The following KIFBP variants were observed in gnomAD, a reference collection of about 807,000 sequenced individuals.
KIFBP encodes the protein kinesin family binding protein, also known as KIF-binding protein.
A neutral mutation model predicts 58.9 loss-of-function variants in KIFBP; 46 were observed. The observed-to-expected ratio is 0.78, with a 90% confidence interval of 0.62 to 1.00. The LOEUF (loss-of-function observed/expected upper bound fraction) is 1.00, where lower values mean the gene tolerates loss of function less well. Among genes scored for constraint, KIFBP ranks in the 50% least tolerant of loss-of-function variants. KIFBP has a pLI of 0.00. For synonymous variants in KIFBP, 241 were observed against 283.4 expected (o/e 0.85, Z 1.50); for missense variants, 651 against 752.9 (o/e 0.86, Z 1.58).
intron 1 of KIFBP, among the ~76,000 whole-genome samples, chr10:68,994,748 T>C (rs557573164): frequency 1.3e-5 from 2 of 152,180 alleles, no homozygotes; most frequent in East Asian, 3.9e-4. Flanking sequence ...TTTGATGAGT[T>C]TTGACATATA....
chr10:68,992,922 G>C (rs1454713707), intron 1 of KIFBP, among the ~76,000 whole-genome samples: 1 of 152,054 alleles, frequency 6.6e-6, no homozygotes, highest in Non-Finnish European at 1.5e-5. Flanking sequence ...CAGTAGGGTT[G>C]GGGAGGGGCT....
At chr10:69,009,259 T>TGG (rs1843567411) in intron 5 of KIFBP, among the ~76,000 whole-genome samples, 1 of 152,116 alleles carries the variant, frequency 6.6e-6, no homozygotes, top group Non-Finnish European at 1.5e-5. Context: ...TGCTAGATTT[T>TGG]GGGAGGCCAA....
At chr10:68,991,321 G>T in intron 1 of KIFBP, 1 of 245,432 alleles carries the variant, frequency 4.1e-6, no homozygotes, top group Non-Finnish European at 8.6e-6. Context: ...CGTTAAGTCA[G>T]GACTATGTCA....
At chr10:69,008,405 T>A (rs1320361525) in intron 4 of KIFBP, among the ~76,000 whole-genome samples, 34 of 131,168 alleles carry the variant, frequency 2.6e-4, no homozygotes, top group African/African-American at 8.7e-4. Flanking sequence ...TATATATATA[T>A]ATATATATAT....
chr10:69,015,685 G>A lies in KIFBP; in HGVS notation c.1135G>A (p.Glu379Lys). ...ELCDAISAVE[E>K]KVSYLRPLDF... The stretch of plus-strand genomic sequence containing the variant: ...GTGTGATGCCATCTCTGCAGTAGAA[G>A]AGAAAGTGAGCTACTTGAGACCTTT... Residue 379 changes from glutamate (E) to lysine (K), a missense_variant, in exon 7 of 7, where the codon GAG (glutamate) becomes AAG (lysine). By Grantham distance (56) the Glu-to-Lys change is moderately conservative (BLOSUM62 1). Coordinates refer to ENST00000361983, the MANE Select transcript of KIFBP (RefSeq NM_015634.4). The A allele has an allele frequency of 1.2e-6, 2 of 1,614,236 alleles. No homozygotes were observed. The highest frequency in any genetic ancestry group is 1.7e-6 in the Non-Finnish European group (2 of 1,180,034).
intron 2 of KIFBP, among the ~76,000 whole-genome samples, chr10:69,002,273 C>T (rs553135742): frequency 6.6e-6 from 1 of 151,960 alleles, no homozygotes; most frequent in East Asian, 2.0e-4. Context: ...AATTCTCCTG[C>T]CTCAGCCTCC....
chr10:68,998,936 C>T (rs1038445583), intron 1 of KIFBP, among the ~76,000 whole-genome samples: 6 of 150,634 alleles, frequency 4.0e-5, no homozygotes, highest in South Asian at 2.1e-4. Flanking sequence ...CCACCACACT[C>T]GGCTAAATTT....
chr10:68,989,044 A>G lies in KIFBP; in HGVS notation c.212A>G (p.Asp71Gly), dbSNP rs1252658012. The change falls in exon 1 of 7, where the codon GAC becomes GGC. Residue 71 changes from aspartate (D) to glycine (G), a missense_variant. By Grantham distance (94) the Asp-to-Gly change is moderately conservative. Coordinates refer to ENST00000361983, the MANE Select transcript of KIFBP (RefSeq NM_015634.4). The stretch of plus-strand genomic sequence containing the variant: ...GCCGAGGACGGCCCGGGTGCCGGTG[A>G]CCACGCCCTGGGGCTGCCGGCTGAG... ...PEAEDGPGAG[D>G]HALGLPAEVV... The G allele has an allele frequency of 6.2e-7, 1 of 1,613,416 alleles. No homozygotes were observed. The highest frequency in any genetic ancestry group is 1.1e-5 in the South Asian group (1 of 91,028).
chr10:68,989,215 A>G lies in KIFBP; in HGVS notation c.383A>G (p.Tyr128Cys), dbSNP rs768145533. The change falls in exon 1 of 7, where the codon TAC becomes TGC. Residue 128 changes from tyrosine to cysteine, a missense_variant. Transcript: ENST00000361983. ...LVKCLRLLRR[Y>C]RLSHDCISLC... ...AAATGCCTGCGGCTGCTGCGCAGGT[A>G]CCGGCTCTCGCACGACTGCATCTCT... 1 of 1,613,544 alleles carries G rather than the reference A, an allele frequency of 6.2e-7. No homozygotes were observed. The highest frequency in any genetic ancestry group is 8.5e-7 in the Non-Finnish European group (1 of 1,179,942).
At chr10:68,992,504 T>C (rs2132106605) in intron 1 of KIFBP, among the ~76,000 whole-genome samples, 2 of 152,324 alleles carry the variant, frequency 1.3e-5, no homozygotes, top group South Asian at 4.1e-4. Context: ...AACAATCTAA[T>C]GTAACAGTAT....
intron 4 of KIFBP, among the ~76,000 whole-genome samples, chr10:69,008,227 C>T (rs530563868): frequency 3.2e-4 from 49 of 151,146 alleles, no homozygotes; most frequent in African/African-American, 1.0e-3. Context: ...AGTTGGAGAC[C>T]TGTTTAGGCA....
chr10:68,993,113 A>T (rs1293815236), intron 1 of KIFBP, among the ~76,000 whole-genome samples: 3 of 151,940 alleles, frequency 2.0e-5, no homozygotes, highest in Non-Finnish European at 2.9e-5. Context: ...CCTGAGTTTT[A>T]TGTCTCTTCT....
chr10:69,015,488 A>G (rs2048512021), intron 6 of KIFBP, 53 bp from the exon 7 acceptor site: 2 of 1,542,748 alleles, frequency 1.3e-6, no homozygotes, highest in Non-Finnish European at 8.9e-7. Flanking sequence ...ATATTATTTA[A>G]CAGCAGGAGG....
At chr10:69,015,302 A>G (rs1838982238) in intron 6 of KIFBP, 1 of 468,470 alleles carries the variant, frequency 2.1e-6, no homozygotes, top group Non-Finnish European at 3.8e-6. Flanking sequence ...TCCTCAGAAT[A>G]AATGATATGT....
intron 1 of KIFBP, among the ~76,000 whole-genome samples, chr10:68,993,845 T>A (rs1843377213): frequency 6.6e-6 from 1 of 152,188 alleles, no homozygotes; most frequent in Non-Finnish European, 1.5e-5. Context: ...GCTTTAGATT[T>A]CTTGATTAAA....
At chr10:69,008,391 A>AAAAAATATATATATATATATATATAT in intron 4 of KIFBP, among the ~76,000 whole-genome samples, 1 of 71,614 alleles carries the variant, frequency 1.4e-5, no homozygotes, top group African/African-American at 7.8e-5. Context: ...AAAAAAAAAA[A>AAAAAATATATATATATATATATATAT]ATATATATAT....
chr10:69,004,307 A>AGGATCACT (rs1843506812), intron 2 of KIFBP, among the ~76,000 whole-genome samples: 1 of 150,780 alleles, frequency 6.6e-6, no homozygotes, highest in Non-Finnish European at 1.5e-5. Flanking sequence ...CTGAGGCAGG[A>AGGATCACT]GGATCACTGG....
At position 69,016,205 on chromosome 10, in the gene KIFBP, G is replaced by A. The variant is rs368655395; in HGVS notation, c.1655G>A (p.Arg552His). The change falls in exon 7 of 7, where the codon CGT becomes CAT. Residue 552 changes from arginine to histidine, a missense_variant. Arg to His is a conservative substitution (Grantham distance 29, BLOSUM62 0). Coordinates refer to ENST00000361983, the MANE Select transcript of KIFBP (RefSeq NM_015634.4). Reference protein sequence around the residue: ...PAMLAKFRVARLYGKIITADP... With the variant: ...PAMLAKFRVAHLYGKIITADP... ...ATGTTAGCTAAGTTTCGAGTTGCCCGTCTCTATGGCAAAATCATTACTGCA... is the reference window on the plus strand; with the variant it reads ...ATGTTAGCTAAGTTTCGAGTTGCCCATCTCTATGGCAAAATCATTACTGCA... The A allele has an allele frequency of 2.9e-5, 47 of 1,612,680 alleles. No individual in the cohort carries two copies. The highest frequency in any genetic ancestry group is 9.4e-5 in the African/African-American group (7 of 74,798).
chr10:68,999,964 G>A (rs1843446765), intron 1 of KIFBP: 1 of 178,762 alleles, frequency 5.6e-6, no homozygotes, highest in Non-Finnish European at 1.2e-5. Context: ...AGAATGGTAT[G>A]AACCTGGGAG....
Sources: allele counts gnomAD v4.1 joint callset (sites outside exome capture counted in the v4.1 genomes callset), GRCh38; gene constraint gnomAD v4.1.1; transcripts MANE v1.5; gene names NCBI Gene and HGNC (gene_info 2026-07-23, HGNC 2026-07-21).